The following SOX5 variants were observed in gnomAD, a reference collection of about 807,000 sequenced individuals.
SOX5 encodes SRY-box transcription factor 5.
A neutral mutation model predicts 92.0 loss-of-function variants in SOX5; 9 were observed. That is an observed-to-expected ratio of 0.10 (90% CI 0.06 to 0.17). SOX5 has a LOEUF of 0.17. Among genes scored for constraint, SOX5 ranks in the 10% least tolerant of loss-of-function variants. The probability of loss-of-function intolerance (pLI) is 1.00; values close to 1 mark genes in which losing one functional copy is unlikely to be tolerated. For synonymous variants in SOX5, 344 were observed against 336.3 expected (o/e 1.02, Z -0.25); for missense variants, 642 against 944.5 (o/e 0.68, Z 4.20).
At chr12:24,051,123 G>T in intron 4 of SOX5, among the ~76,000 whole-genome samples, 1 of 152,158 alleles carries the variant, frequency 6.6e-6, no homozygotes, top group East Asian at 1.9e-4. Flanking sequence ...AGAGGCCAAT[G>T]AGCATAGAAG....
chr12:24,447,174 G>A (rs1417244091), intron 1 of SOX5, among the ~76,000 whole-genome samples: 1 of 152,186 alleles, frequency 6.6e-6, no homozygotes, highest in African/African-American at 2.4e-5. Flanking sequence ...AGAACAAACA[G>A]TATGGAAAGG....
At chr12:23,838,454 A>C (rs2096463565) in intron 3 of SOX5, among the ~76,000 whole-genome samples, 1 of 151,940 alleles carries the variant, frequency 6.6e-6, no homozygotes, top group African/African-American at 2.4e-5. Flanking sequence ...GTACATGTCA[A>C]AGAATCTTGT....
At chr12:23,698,071 G>A (rs2090127459) in intron 6 of SOX5, among the ~76,000 whole-genome samples, 1 of 152,038 alleles carries the variant, frequency 6.6e-6, no homozygotes, top group African/African-American at 2.4e-5. Flanking sequence ...CAGTACAACT[G>A]TTAAACTTAT....
At chr12:24,030,786 T>A (rs1053161216) in intron 4 of SOX5, among the ~76,000 whole-genome samples, 11 of 151,768 alleles carry the variant, frequency 7.2e-5, no homozygotes, top group African/African-American at 2.7e-4. Context: ...TATTTGCAAA[T>A]CCTATATCTG....
At chr12:23,965,855 G>A (rs1031016676) in intron 4 of SOX5, among the ~76,000 whole-genome samples, 1 of 152,046 alleles carries the variant, frequency 6.6e-6, no homozygotes, top group Non-Finnish European at 1.5e-5. Flanking sequence ...CTGACTTCAA[G>A]TGATCTCTCC....
At chr12:23,922,436 A>G (rs540302836) in intron 1 of SOX5, among the ~76,000 whole-genome samples, 20 of 152,198 alleles carry the variant, frequency 1.3e-4, no homozygotes, top group Non-Finnish European at 2.6e-4. Context: ...CAGTCCACAA[A>G]CTAAACCAAG....
intron 4 of SOX5, among the ~76,000 whole-genome samples, chr12:23,746,969 G>A (rs1332485964): frequency 2.6e-5 from 4 of 152,008 alleles, no homozygotes; most frequent in African/African-American, 2.4e-5. Context: ...CTTGTCTGCC[G>A]CCATGTTTAG....
chr12:23,591,871 C>A (rs1386806928), intron 9 of SOX5, among the ~76,000 whole-genome samples: 1 of 152,134 alleles, frequency 6.6e-6, no homozygotes, highest in African/African-American at 2.4e-5. Context: ...TGAAGTGCTA[C>A]TGGAAATACC....
intron 3 of SOX5, among the ~76,000 whole-genome samples, chr12:23,766,735 A>G (rs187188176): frequency 5.3e-5 from 8 of 152,288 alleles, no homozygotes; most frequent in Admixed American, 3.3e-4. Context: ...ATATTCCAAT[A>G]CTTTGCTGTT....
At chr12:23,794,395 T>C (rs1449397245) in intron 3 of SOX5, among the ~76,000 whole-genome samples, 1 of 152,130 alleles carries the variant, frequency 6.6e-6, no homozygotes, top group Non-Finnish European at 1.5e-5. Context: ...TCACAGATCT[T>C]GTAGTCTAGC....
intron 3 of SOX5, among the ~76,000 whole-genome samples, chr12:24,254,982 T>C (rs1940896170): frequency 6.6e-6 from 1 of 151,964 alleles, no homozygotes; most frequent in Non-Finnish European, 1.5e-5. Context: ...ACTATTAATA[T>C]ACCACAGACT....
rs577139238 is a variant in SOX5, at chr12:24,002,043, A to G, written c.-1-106019T>C. Among the ~76,000 whole-genome samples, 4 of 152,292 alleles carry G rather than the reference A, an allele frequency of 2.6e-5. 1 individual carries two copies. The highest frequency in any genetic ancestry group is 9.6e-5 in the African/African-American group (4 of 41,576). On this transcript the variant is annotated intron_variant, in intron 4 of 4. Transcript: ENST00000446891. ...AATAACAAAAAATGAAATTCATTGG[A>G]TACAGCTAAAGTAGTGCTTTGGGAA...
chr12:23,668,918 CAATT>C (rs1394495476), intron 6 of SOX5, among the ~76,000 whole-genome samples: 1 of 152,152 alleles, frequency 6.6e-6, no homozygotes, highest in African/African-American at 2.4e-5. Flanking sequence ...AAATACCTAT[CAATT>C]ACTCATAGTT....
chr12:24,339,182 C>CACACAG (rs1952283677), intron 2 of SOX5, among the ~76,000 whole-genome samples: 1 of 151,494 alleles, frequency 6.6e-6, no homozygotes, highest in South Asian at 2.1e-4. Flanking sequence ...CACACACACA[C>CACACAG]ACACACACAC....
rs142819771 is a variant in SOX5 at position 24,092,305 on chromosome 12, G to A, written c.-2+121038C>T. Among the ~76,000 whole-genome samples, 762 of 130,796 alleles carry A rather than the reference G, an allele frequency of 5.8e-3. 4 individuals carry two copies. The highest frequency in any genetic ancestry group is 9.2e-3 in the Non-Finnish European group (530 of 57,536). The allele number at this position is 130,796 out of a possible 152,430, so 85.8% of individuals were successfully genotyped here. A position where few individuals can be genotyped will look rare whatever the true frequency, so the allele number is the denominator to read the frequency against. Reference sequence around the variant, plus strand: ...TTTTTCAGGCTTAGGGTACAATGCTGCGGAATTTTTTTTTTTCCAGTTCTT... The same window carrying A: ...TTTTTCAGGCTTAGGGTACAATGCTACGGAATTTTTTTTTTTCCAGTTCTT... On this transcript the variant is annotated intron_variant, in intron 4 of 4. Coordinates refer to the SOX5 transcript ENST00000446891.
In SOX5 at chr12:24,363,574, A is replaced by G. The variant is rs114059215; in HGVS notation, c.-174+4989T>C. Among the ~76,000 whole-genome samples the G allele has an allele frequency of 6.6e-3, 1,009 of 152,328 alleles. 12 individuals are homozygous for G. The highest frequency in any genetic ancestry group is 0.023 in the African/African-American group (962 of 41,562). On this transcript the variant is annotated intron_variant, in intron 2 of 4. Transcript: ENST00000446891. ...TTATGTATCATGTTACTCCTAGGAC[A>G]ATCTAATTTATAAAGTGCCTATTGT...
intron 6 of SOX5, among the ~76,000 whole-genome samples, chr12:23,671,657 T>C (rs1165855305): frequency 1.3e-5 from 2 of 152,152 alleles, no homozygotes; most frequent in Non-Finnish European, 2.9e-5. Context: ...TCCTACTCAA[T>C]GCAATGGTCT....
At chr12:24,440,887 C>T (rs1050475986) in intron 1 of SOX5, among the ~76,000 whole-genome samples, 1 of 152,024 alleles carries the variant, frequency 6.6e-6, no homozygotes. Flanking sequence ...CACAGTAAGC[C>T]GAATATAACA....
intron 9 of SOX5, among the ~76,000 whole-genome samples, chr12:23,600,305 T>C (rs994698872): frequency 2.0e-5 from 3 of 151,804 alleles, no homozygotes; most frequent in African/African-American, 7.3e-5. Context: ...GAATAATATC[T>C]GCGAAGAGCT....
Sources: gnomAD v4.1 joint callset for allele counts (sites outside exome capture counted in the v4.1 genomes callset) on GRCh38, gnomAD v4.1.1 for gene constraint, MANE v1.5 for transcripts, NCBI Gene and HGNC (gene_info 2026-07-23, HGNC 2026-07-21) for gene names.